The following NBEA variants were observed in gnomAD, a reference collection of about 807,000 sequenced individuals.
The protein encoded by NBEA is neurobeachin.
In NBEA, 44 loss-of-function variants were observed where a neutral mutation model predicts 343.4. The ratio of observed to expected loss-of-function variants is 0.13; its 90% CI spans 0.10 to 0.16. The LOEUF is 0.16. Among genes scored for constraint, NBEA ranks in the 10% least tolerant of loss-of-function variants. The probability of loss-of-function intolerance (pLI) is 1.00; values close to 1 mark genes in which losing one functional copy is unlikely to be tolerated. For synonymous variants in NBEA, 1,175 were observed against 1,238.7 expected (o/e 0.95, Z 1.08); for missense variants, 2,555 against 3,631.3 (o/e 0.70, Z 7.62).
At chr13:35,548,523 G>A (rs1317775866) in intron 41 of NBEA, among the ~76,000 whole-genome samples, 2 of 152,020 alleles carry the variant, frequency 1.3e-5, no homozygotes, top group Non-Finnish European at 2.9e-5. Flanking sequence ...TGGGTATAAG[G>A]GTGCCAACAC....
intron 24 of NBEA, among the ~76,000 whole-genome samples, chr13:35,167,237 C>T (rs572194340): frequency 1.3e-5 from 2 of 151,900 alleles, no homozygotes; most frequent in Non-Finnish European, 2.9e-5. Context: ...ATAGACAATA[C>T]ATAAACAAAT....
intron 1 of NBEA, among the ~76,000 whole-genome samples, chr13:35,007,553 G>A (rs1480014654): frequency 1.3e-5 from 2 of 152,202 alleles, no homozygotes; most frequent in East Asian, 1.9e-4. Context: ...GTGCAGTGGC[G>A]TGATCTCACC....
intron 40 of NBEA, among the ~76,000 whole-genome samples, chr13:35,457,189 A>G (rs896687688): frequency 1.3e-5 from 2 of 152,070 alleles, no homozygotes; most frequent in Non-Finnish European, 2.9e-5. Context: ...AGACCCATTT[A>G]AAACACTTAT....
chr13:34,980,447 A>G (rs2060319645), intron 1 of NBEA, among the ~76,000 whole-genome samples: 1 of 89,394 alleles, frequency 1.1e-5, no homozygotes. Context: ...TTACATTTTT[A>G]TTACATTTAT....
At chr13:35,662,879 A>G (rs955836454) in intron 55 of NBEA, among the ~76,000 whole-genome samples, 6 of 152,180 alleles carry the variant, frequency 3.9e-5, no homozygotes, top group African/African-American at 9.7e-5. Context: ...AATTAAGTGT[A>G]TAATTTCAGG....
intron 41 of NBEA, among the ~76,000 whole-genome samples, chr13:35,522,475 CAAAAAAAAAAAAAAAAAAAA>C (rs138270833): frequency 2.6e-4 from 11 of 42,074 alleles, no homozygotes; most frequent in Admixed American, 5.4e-4. Context: ...ATACCATCTC[CAAAAAAAAAAAAAAAAAAAA>C]AAAAAAAAAA....
chr13:34,981,218 A>T (rs1285996408), intron 1 of NBEA, among the ~76,000 whole-genome samples: 1 of 152,078 alleles, frequency 6.6e-6, no homozygotes, highest in African/African-American at 2.4e-5. Flanking sequence ...AACATTTTTG[A>T]GGCTCATCTA....
chr13:35,589,644 A>G (rs1308320191), intron 46 of NBEA, among the ~76,000 whole-genome samples: 1 of 152,114 alleles, frequency 6.6e-6, no homozygotes, highest in Non-Finnish European at 1.5e-5. Context: ...AAGACAGAAG[A>G]ATGAAGAAGT....
intron 13 of NBEA, among the ~76,000 whole-genome samples, chr13:35,113,559 A>C (rs556842207): frequency 6.6e-6 from 1 of 152,012 alleles, no homozygotes; most frequent in East Asian, 1.9e-4. Context: ...ATCTACTGTA[A>C]GGAAGAACTT....
At chr13:35,216,517 A>T (rs1236609450) in intron 33 of NBEA, among the ~76,000 whole-genome samples, 1 of 151,922 alleles carries the variant, frequency 6.6e-6, no homozygotes, top group East Asian at 1.9e-4. Context: ...TTGTTTAATG[A>T]TATGGTATAT....
intron 25 of NBEA, among the ~76,000 whole-genome samples, chr13:35,170,256 C>T (rs2070358768): frequency 6.6e-6 from 1 of 151,584 alleles, no homozygotes; most frequent in Non-Finnish European, 1.5e-5. Context: ...CAAAATGGAA[C>T]ATTAAATAGG....
intron 1 of NBEA, among the ~76,000 whole-genome samples, chr13:35,017,709 T>C (rs2061702955): frequency 6.6e-6 from 1 of 152,210 alleles, no homozygotes; most frequent in Non-Finnish European, 1.5e-5. Flanking sequence ...ACAAGTCTTA[T>C]CAGATATATA....
intron 41 of NBEA, among the ~76,000 whole-genome samples, chr13:35,547,551 G>A (rs2079118012): frequency 6.6e-6 from 1 of 152,152 alleles, no homozygotes; most frequent in Non-Finnish European, 1.5e-5. Context: ...TATGCCAGGA[G>A]ATTGAGTAAC....
chr13:35,577,059 A>C (rs2080777045), intron 45 of NBEA, among the ~76,000 whole-genome samples: 1 of 152,116 alleles, frequency 6.6e-6, no homozygotes, highest in Admixed American at 6.5e-5. Context: ...CAGGATCCAC[A>C]CCTCTGTTAC....
At chr13:35,085,970 C>G (rs534769359) in intron 10 of NBEA, among the ~76,000 whole-genome samples, 1 of 152,152 alleles carries the variant, frequency 6.6e-6, no homozygotes, top group South Asian at 2.1e-4. Flanking sequence ...GAGTGAACTC[C>G]CATTCACAAT....
At chr13:35,157,323 A>G (rs1593543992) in intron 21 of NBEA, 53 bp downstream of exon 21, 2 of 1,322,934 alleles carry the variant, frequency 1.5e-6, no homozygotes, top group East Asian at 5.2e-5. Context: ...AGTGGATTAA[A>G]TGGCTACAAA....
intron 40 of NBEA, among the ~76,000 whole-genome samples, chr13:35,470,972 G>A (rs1482654520): frequency 6.6e-6 from 1 of 152,198 alleles, no homozygotes; most frequent in Non-Finnish European, 1.5e-5. Flanking sequence ...GGTGGACCCC[G>A]ACTCGGCTGG....
chr13:35,277,860 G>A (rs991852291), intron 34 of NBEA, among the ~76,000 whole-genome samples: 1 of 151,462 alleles, frequency 6.6e-6, no homozygotes, highest in East Asian at 1.9e-4. Context: ...GCTGAGGCAG[G>A]CAGATCACTT....
In NBEA at chr13:35,111,142, G is replaced by T. The variant is rs2066183793; in HGVS notation, c.2002+164G>T. Among the ~76,000 whole-genome samples, 5 of 152,146 alleles carry T rather than the reference G, an allele frequency of 3.3e-5. No homozygotes were observed. In the South Asian group the frequency reaches 1.0e-3, roughly 32 times the overall value. ...ATTGTTTGTGGTAAAGAAGTTTAGG[G>T]CTTTTCAATATTAAATTATTTCGGA... On this transcript the variant is annotated intron_variant, in intron 13 of 58. Transcript: ENST00000379939.
Sources: allele counts gnomAD v4.1 joint callset (sites outside exome capture counted in the v4.1 genomes callset), GRCh38; gene constraint gnomAD v4.1.1; transcripts MANE v1.5; gene names NCBI Gene and HGNC (gene_info 2026-07-23, HGNC 2026-07-21).